Variants in TACC2 observed in about 807,000 individuals in gnomAD.
TACC2 encodes the protein transforming acidic coiled-coil-containing protein 2.
A neutral mutation model predicts 227.3 loss-of-function variants in TACC2; 137 were observed. The ratio of observed to expected loss-of-function variants is 0.60; its 90% confidence interval spans 0.52 to 0.69. The LOEUF (loss-of-function observed/expected upper bound fraction) is 0.69. Among genes scored for constraint, TACC2 ranks in the 30% least tolerant of loss-of-function variants. The pLI, the probability that TACC2 is intolerant of heterozygous loss-of-function variation, is 0.00. For synonymous variants in TACC2, 1,523 were observed against 1,487.5 expected, an observed-to-expected ratio of 1.02 and a Z score of -0.55; for missense variants, 3,470 against 3,694.4, an observed-to-expected ratio of 0.94 and a Z score of 1.57.
intron 7 of TACC2, among the ~76,000 whole-genome samples, chr10:122,182,570 C>T (rs1017259475): frequency 1.3e-5 from 2 of 152,166 alleles, no homozygotes; most frequent in Non-Finnish European, 2.9e-5. Flanking sequence ...AATGCAGGGG[C>T]GTGATTGTCC....
intron 9 of TACC2, among the ~76,000 whole-genome samples, chr10:122,212,980 C>G (rs2095328118): frequency 6.6e-6 from 1 of 152,248 alleles, no homozygotes; most frequent in African/African-American, 2.4e-5. Flanking sequence ...GCCACCTCTT[C>G]CTTCTCCAAG....
chr10:122,247,562 C>T (rs1486462173), intron 19 of TACC2: 2 of 152,156 alleles, frequency 1.3e-5, no homozygotes, highest in African/African-American at 4.8e-5. Flanking sequence ...ATTTTCTAAG[C>T]AGCCATAAAA....
intron 7 of TACC2, chr10:122,163,846 C>T: frequency 6.7e-7 from 1 of 1,494,216 alleles, no homozygotes; most frequent in Non-Finnish European, 8.9e-7. Context: ...GGCCGGCTCG[C>T]CCCGGCTCCC....
At chr10:122,079,304 A>G (rs375548231) in intron 3 of TACC2, among the ~76,000 whole-genome samples, 3 of 152,158 alleles carry the variant, frequency 2.0e-5, no homozygotes, top group South Asian at 2.1e-4. Flanking sequence ...CCAGGCCAAG[A>G]CACTTTATCC....
At chr10:122,107,253 G>A (rs1470131025) in intron 5 of TACC2, among the ~76,000 whole-genome samples, 1 of 152,180 alleles carries the variant, frequency 6.6e-6, no homozygotes. Context: ...ATTATCTACA[G>A]GCTGGGTGCG....
At chr10:122,241,004 G>T (rs1231841198) in intron 18 of TACC2, among the ~76,000 whole-genome samples, 1 of 152,210 alleles carries the variant, frequency 6.6e-6, no homozygotes, top group Non-Finnish European at 1.5e-5. Flanking sequence ...AGAAGATGCG[G>T]ATAAAAGGTA....
intron 5 of TACC2, among the ~76,000 whole-genome samples, chr10:122,108,037 A>G (rs934034067): frequency 9.3e-5 from 14 of 150,694 alleles, no homozygotes; most frequent in Admixed American, 2.7e-4. Flanking sequence ...GACTACAGGC[A>G]CCCACCACCA....
intron 3 of TACC2, among the ~76,000 whole-genome samples, chr10:122,058,098 C>T (rs563515322): frequency 3.9e-5 from 6 of 152,368 alleles, no homozygotes; most frequent in African/African-American, 1.4e-4. Flanking sequence ...AGTGCCTTCG[C>T]ACCCTCTGCG....
At chr10:122,203,498 G>T (rs1025515681) in intron 8 of TACC2, among the ~76,000 whole-genome samples, 5 of 142,846 alleles carry the variant, frequency 3.5e-5, no homozygotes, top group African/African-American at 1.3e-4. Flanking sequence ...GCTGCCGGGC[G>T]GAGGGGCTCC....
chr10:122,253,941 A>C, intron 22 of TACC2, 50 bp from the exon 23 acceptor site: 2 of 1,531,028 alleles, frequency 1.3e-6, no homozygotes, highest in Non-Finnish European at 1.8e-6. Context: ...GAGCATTCTG[A>C]CTGGCCAGAT....
At chr10:122,058,699 TGCCTG>T (rs1372405256) in intron 3 of TACC2, among the ~76,000 whole-genome samples, 1 of 151,958 alleles carries the variant, frequency 6.6e-6, no homozygotes, top group African/African-American at 2.4e-5. Context: ...TGAGCCACCG[TGCCTG>T]GCCACTGCAA....
intron 7 of TACC2, among the ~76,000 whole-genome samples, chr10:122,144,315 G>A (rs934202726): frequency 6.6e-6 from 1 of 152,148 alleles, no homozygotes; most frequent in Admixed American, 6.5e-5. Context: ...ATTGAGACAG[G>A]TTGGATCAAA....
chr10:122,136,328 C>T (rs1191685182), intron 6 of TACC2, among the ~76,000 whole-genome samples: 1 of 152,054 alleles, frequency 6.6e-6, no homozygotes, highest in African/African-American at 2.4e-5. Flanking sequence ...AGCAGTGTCC[C>T]CGCCACCCCA....
intron 5 of TACC2, among the ~76,000 whole-genome samples, chr10:122,098,774 C>T (rs908436071): frequency 2.6e-5 from 4 of 152,166 alleles, no homozygotes; most frequent in African/African-American, 7.2e-5. Flanking sequence ...TTTTTACACA[C>T]GGGCTCATAG....
chr10:122,190,329 C>T (rs983393006), intron 7 of TACC2, among the ~76,000 whole-genome samples: 2 of 152,238 alleles, frequency 1.3e-5, no homozygotes, highest in African/African-American at 2.4e-5. Flanking sequence ...CCTTCTTTCA[C>T]ACGGTGTGTC....
At chr10:122,007,171 AT>A (rs1388223146) in intron 1 of TACC2, among the ~76,000 whole-genome samples, 1 of 151,510 alleles carries the variant, frequency 6.6e-6, no homozygotes. Flanking sequence ...CACTTTCCTG[AT>A]TTTTTTTAAT....
At position 122,085,752 on chromosome 10, in the gene TACC2, A is replaced by G. The variant is rs2080029422; in HGVS notation, c.3252A>G (p.Glu1084=). The change falls in exon 4 of 23, where the codon GAA becomes GAG. Residue 1084 remains glutamate, a synonymous_variant. Transcript: ENST00000369005. The part of the protein sequence containing the change: ...QDAPETEACD[E]TQEGRQQPVP... ...CCCCAGAGACAGAGGCATGTGATGAAACCCAGGAAGGCAGGCAGCAACCAG... is the reference window on the plus strand; with the variant it reads ...CCCCAGAGACAGAGGCATGTGATGAGACCCAGGAAGGCAGGCAGCAACCAG... 1 of 1,613,782 alleles carries G rather than the reference A, an allele frequency of 6.2e-7. No individual in the cohort carries two copies. The highest frequency in any genetic ancestry group is 1.1e-5 in the South Asian group (1 of 91,084).
intron 11 of TACC2, among the ~76,000 whole-genome samples, chr10:122,223,360 A>C (rs1208104343): frequency 2.0e-5 from 3 of 152,046 alleles, no homozygotes; most frequent in Non-Finnish European, 4.4e-5. Flanking sequence ...TAAGGTGAGG[A>C]GGCGATTAAG....
intron 1 of TACC2, among the ~76,000 whole-genome samples, chr10:121,990,061 T>C (rs1480298063): frequency 6.6e-6 from 1 of 152,194 alleles, no homozygotes; most frequent in African/African-American, 2.4e-5. Context: ...ATTTTAAATA[T>C]TTCTTTAATT....
Sources: gnomAD v4.1 joint callset for allele counts (sites outside exome capture counted in the v4.1 genomes callset) on GRCh38, gnomAD v4.1.1 for gene constraint, MANE v1.5 for transcripts, NCBI Gene and HGNC (gene_info 2026-07-23, HGNC 2026-07-21) for gene names.